XKR6: variants seen among roughly 807,000 people sequenced by gnomAD.
XKR6 encodes XK related 6.
Under a neutral mutation model 56.7 loss-of-function variants are expected in XKR6, and 22 were observed. That is an observed-to-expected ratio of 0.39 (90% confidence interval 0.28 to 0.55). The LOEUF is 0.55. Among genes scored for constraint, XKR6 ranks in the 20% least tolerant of loss-of-function variants. The pLI is 0.66. For missense variants in XKR6, 852 were observed against 889.0 expected (o/e 0.96, Z 0.53); for synonymous variants, 524 against 387.8 (o/e 1.35, Z -4.13).
chr8:10,965,991 T>C (rs1802211088), intron 1 of XKR6, among the ~76,000 whole-genome samples: 1 of 152,218 alleles, frequency 6.6e-6, no homozygotes. Flanking sequence ...CTGAGAAGAC[T>C]GAGCTGGGAT....
chr8:11,090,808 A>G (rs1409612309), intron 1 of XKR6, among the ~76,000 whole-genome samples: 1 of 152,140 alleles, frequency 6.6e-6, no homozygotes, highest in Non-Finnish European at 1.5e-5. Context: ...TGTCCTGCAA[A>G]TATCTGCCTA....
At chr8:10,956,557 G>A (rs538552418) in intron 1 of XKR6, among the ~76,000 whole-genome samples, 1 of 152,288 alleles carries the variant, frequency 6.6e-6, no homozygotes, top group African/African-American at 2.4e-5. Context: ...CGCTAAGCAT[G>A]GCACTCAGAT....
At position 10,909,552 on chromosome 8, in the gene XKR6, A is replaced by T. The variant is rs567122632; in HGVS notation, c.962-10636T>A. Among the ~76,000 whole-genome samples the T allele has an allele frequency of 2.6e-5, 4 of 152,264 alleles. No individual in the cohort carries two copies. The East Asian group carries it at 7.7e-4, about 29-fold the overall frequency. On this transcript the variant is annotated intron_variant, in intron 2 of 2. Coordinates refer to ENST00000416569, the MANE Select transcript of XKR6 (RefSeq NM_173683.4). Reference sequence around the variant, plus strand: ...TTGGTACTTCTGGAATTACATGCAAAACTGTGTGGGTATTTTTCTCATGAA... The same window carrying T: ...TTGGTACTTCTGGAATTACATGCAATACTGTGTGGGTATTTTTCTCATGAA...
intron 2 of XKR6, among the ~76,000 whole-genome samples, chr8:10,906,462 C>T (rs762166590): frequency 7.2e-5 from 11 of 152,156 alleles, no homozygotes; most frequent in Non-Finnish European, 1.6e-4. Context: ...TACCTTAGTG[C>T]TAATGAGAAA....
chr8:11,182,896 C>A (rs541066164), intron 1 of XKR6, among the ~76,000 whole-genome samples: 1 of 152,324 alleles, frequency 6.6e-6, no homozygotes, highest in African/African-American at 2.4e-5. Flanking sequence ...CAGCCCCTGG[C>A]AGCCCCCTTT....
chr8:10,907,353 C>G (rs1325207941), intron 2 of XKR6, among the ~76,000 whole-genome samples: 1 of 152,030 alleles, frequency 6.6e-6, no homozygotes, highest in Non-Finnish European at 1.5e-5. Context: ...TTTTTTGCCT[C>G]TGACTTCATG....
chr8:11,098,758 G>T (rs561977215), intron 1 of XKR6, among the ~76,000 whole-genome samples: 20 of 152,242 alleles, frequency 1.3e-4, no homozygotes, highest in African/African-American at 4.1e-4. Context: ...TTAACTATTA[G>T]TCTATTCACA....
chr8:11,167,906 A>C (rs983447933), intron 1 of XKR6, among the ~76,000 whole-genome samples: 3 of 148,090 alleles, frequency 2.0e-5, no homozygotes, highest in African/African-American at 7.7e-5. Flanking sequence ...AAAAAAAAAA[A>C]AAAAAACCAC....
intron 1 of XKR6, among the ~76,000 whole-genome samples, chr8:11,190,204 A>AAAG (rs746304600): frequency 1.4e-4 from 17 of 120,980 alleles, no homozygotes; most frequent in African/African-American, 5.2e-4. Context: ...AGAAAGAAAG[A>AAAG]AAAGAAAGAA....
intron 1 of XKR6, chr8:11,002,528 A>G: frequency 3.1e-6 from 1 of 317,738 alleles, no homozygotes; most frequent in Non-Finnish European, 6.8e-6. Flanking sequence ...GGAATGGGGA[A>G]GGTGTGGTGC....
intron 1 of XKR6, among the ~76,000 whole-genome samples, chr8:10,941,297 G>A (rs1192461228): frequency 4.6e-5 from 7 of 152,132 alleles, no homozygotes; most frequent in South Asian, 4.1e-4. Flanking sequence ...CAGAGGGGAC[G>A]GTGTCACAAC....
At chr8:11,044,044 C>T (rs2129157085) in intron 1 of XKR6, among the ~76,000 whole-genome samples, 1 of 152,346 alleles carries the variant, frequency 6.6e-6, no homozygotes, top group East Asian at 1.9e-4. Flanking sequence ...CTCCACCAGA[C>T]AGTGACTAAC....
chr8:10,977,262 T>C (rs1379394776), intron 1 of XKR6, among the ~76,000 whole-genome samples: 1 of 152,050 alleles, frequency 6.6e-6, no homozygotes, highest in African/African-American at 2.4e-5. Context: ...CATGGAGATT[T>C]TCAATAGCAA....
At chr8:10,918,839 G>A (rs567261917) in intron 2 of XKR6, among the ~76,000 whole-genome samples, 2 of 152,254 alleles carry the variant, frequency 1.3e-5, no homozygotes, top group South Asian at 4.2e-4. Flanking sequence ...ATTGCATCCT[G>A]TTGGCTCATG....
At chr8:10,929,949 C>G (rs752168098) in intron 1 of XKR6, among the ~76,000 whole-genome samples, 1 of 152,226 alleles carries the variant, frequency 6.6e-6, no homozygotes, top group Admixed American at 6.5e-5. Flanking sequence ...GCAGAAGTAT[C>G]TAGTCCTCTG....
chr8:11,200,493 T>G lies in XKR6; in HGVS notation c.764+83A>C. ...TTCGAGCCCCCCGCGCTGGGCCCTT[T>G]CGAGGGGCCGCCCCGCGAAGCACCG... On this transcript the variant is annotated intron_variant, in intron 1 of 2. Coordinates refer to ENST00000416569, the MANE Select transcript of XKR6 (RefSeq NM_173683.4). This position sits in a 1 kb window ranked among gnomAD's most constrained non-coding sequence, Gnocchi z 6.4. The G allele has an allele frequency of 7.4e-7, 1 of 1,354,714 alleles. No homozygotes were observed. The highest frequency in any genetic ancestry group is 1.9e-5 in the South Asian group (1 of 53,332). 83.9% of individuals were successfully genotyped at this position (1,354,714 alleles called of 1,614,324 possible).
At chr8:10,937,964 G>T (rs983156644) in intron 1 of XKR6, among the ~76,000 whole-genome samples, 24 of 151,248 alleles carry the variant, frequency 1.6e-4, no homozygotes, top group South Asian at 6.3e-4. Flanking sequence ...GTTTACCTAA[G>T]CAAGCCTGAG....
intron 1 of XKR6, among the ~76,000 whole-genome samples, chr8:11,184,308 G>A (rs1024918670): frequency 5.9e-5 from 9 of 151,786 alleles, no homozygotes; most frequent in Admixed American, 5.9e-4. Flanking sequence ...CTCAACTGGT[G>A]GAGATACTAT....
At chr8:10,928,687 T>C (rs1031231942) in intron 1 of XKR6, among the ~76,000 whole-genome samples, 164 of 144,932 alleles carry the variant, frequency 1.1e-3, no homozygotes, top group African/African-American at 4.5e-3. Flanking sequence ...CGCCCTCTTC[T>C]GCCAGGGCGC....
Sources: gnomAD v4.1 joint callset for allele counts (sites outside exome capture counted in the v4.1 genomes callset) on GRCh38, gnomAD v4.1.1 for gene constraint, Gnocchi (gnomAD v3.1) non-coding constraint, MANE v1.5 for transcripts, NCBI Gene and HGNC (gene_info 2026-07-23, HGNC 2026-07-21) for gene names.